Variants in RASSF1 observed in about 807,000 individuals in gnomAD.
The protein encoded by RASSF1 is Ras association domain family member 1, also known as ras association domain-containing protein 1.
RASSF1 carries 33 observed loss-of-function variants against 34.3 expected under a neutral mutation model. The observed-to-expected ratio is 0.96, with a 90% confidence interval of 0.73 to 1.29. The LOEUF (loss-of-function observed/expected upper bound fraction) is 1.29, where lower values mean the gene tolerates loss of function less well. Among genes scored for constraint, RASSF1 ranks in the 50% most tolerant of loss-of-function variants. The probability of loss-of-function intolerance (pLI) is 0.00; values close to 1 mark genes in which losing one functional copy is unlikely to be tolerated. For missense variants in RASSF1, 445 were observed against 471.8 expected (o/e 0.94, Z 0.53); for synonymous variants, 191 against 195.0 (o/e 0.98, Z 0.17).
Position 50,330,909 on chromosome 3 carries a change from C to T in RASSF1, c.877-182G>A, listed in dbSNP as rs1158994321. ...CAGCAGTTTGTATGGAAGATGGGCCCTACAAAACGGTCACCTTACTGAGAC... is the reference window on the plus strand; with the variant it reads ...CAGCAGTTTGTATGGAAGATGGGCCTTACAAAACGGTCACCTTACTGAGAC... On this transcript the variant is annotated intron_variant, in intron 5 of 5. Transcript: ENST00000359365. This position sits in a 1 kb window ranked among gnomAD's most constrained non-coding sequence, Gnocchi z 4.5. Among the ~76,000 whole-genome samples the T allele has an allele frequency of 6.6e-6, 1 of 152,154 alleles. No homozygotes were observed. Among genetic ancestry groups the T allele is most frequent in the Non-Finnish European group, 1.5e-5 (1 of 68,032 alleles).
At chr3:50,337,054 G>C in intron 2 of RASSF1, 1 of 1,299,870 alleles carries the variant, frequency 7.7e-7, no homozygotes, top group South Asian at 1.6e-5. Context: ...GACCCGCGGG[G>C]AGCCACGTAG....
At chr3:50,331,508 G>C (rs587726179) in intron 4 of RASSF1, 51 bp downstream of exon 4, 1 of 1,566,694 alleles carries the variant, frequency 6.4e-7, no homozygotes, top group African/African-American at 1.4e-5. Flanking sequence ...TGCATGCTCA[G>C]GTGCATGCGT....
intron 2 of RASSF1, chr3:50,337,522 T>C: frequency 6.6e-7 from 1 of 1,519,466 alleles, no homozygotes. Context: ...CACGCACGCT[T>C]CGCCCCCAGG....
rs1703223155 is a variant in RASSF1, at chr3:50,337,944, G to A, written c.318C>T (p.Asp106=). ...GCTCCACCGCGGGTTCCCAGCCCAG[G>A]TCCCGGGGCCCGCAACAGTCCAGGC... ...LVCLDCCGPR[D]LGWEPAVERD... Residue 106 remains aspartate (D), a synonymous_variant, in exon 2 of 6, where the codon GAC becomes GAT. Coordinates refer to ENST00000359365, the MANE Select transcript of RASSF1 (RefSeq NM_007182.5). The A allele has an allele frequency of 6.2e-7, 1 of 1,612,040 alleles. No homozygotes were observed. The highest frequency in any genetic ancestry group is 1.3e-5 in the African/African-American group (1 of 74,914).
At chr3:50,337,767 G>T (rs1172953429) in intron 2 of RASSF1, 138 bp downstream of exon 2, 5 of 998,984 alleles carry the variant, frequency 5.0e-6, no homozygotes, top group Non-Finnish European at 7.3e-6. Flanking sequence ...CCCCCGCGCA[G>T]AATTAGCCTC....
At chr3:50,337,264 C>CTG in intron 2 of RASSF1, 1 of 1,613,190 alleles carries the variant, frequency 6.2e-7, no homozygotes, top group Non-Finnish European at 8.5e-7. Context: ...GCAGTAGCCA[C>CTG]TGCTCGTCGT....
Position 50,331,677 on chromosome 3 carries a change from C to G in RASSF1, c.642G>C (p.Leu214=). 6.2e-7 allele frequency: 1 copy of G among 1,613,218 alleles called. No homozygotes were observed. The highest frequency in any genetic ancestry group is 8.5e-7 in the Non-Finnish European group (1 of 1,179,314). The change falls in exon 4 of 6, where the codon CTG becomes CTC. Residue 214 remains leucine (L), a synonymous_variant. Coordinates refer to ENST00000359365, the MANE Select transcript of RASSF1 (RefSeq NM_007182.5). ...GTGCCCTTGTGCGTGACAGCACATGCAGGTGCTTGACAGCATCCTTGGGCA... is the reference window on the plus strand; with the variant it reads ...GTGCCCTTGTGCGTGACAGCACATGGAGGTGCTTGACAGCATCCTTGGGCA... The part of the protein sequence containing the change: ...FYLPKDAVKH[L]HVLSRTRARE...
chr3:50,331,037 G>T (rs1702917323), intron 5 of RASSF1, among the ~76,000 whole-genome samples: 1 of 152,168 alleles, frequency 6.6e-6, no homozygotes, highest in South Asian at 2.1e-4. Flanking sequence ...AAGCTTCCAG[G>T]TAAAAAGTCT....
rs587748043 is a variant in RASSF1 at position 50,336,086 on chromosome 3, G to C, written c.357+1819C>G. On this transcript the variant is annotated intron_variant, in intron 2 of 5. Transcript: ENST00000359365. ...GCTAGCCCTCCTTTTCAATTGGTTA[G>C]TGTCTTGTGGTTTTCCCACCTTTCC... Among the ~76,000 whole-genome samples the C allele has an allele frequency of 3.8e-4, 58 of 152,282 alleles. 1 individual carries two copies. The South Asian group carries it at 0.011, about 29-fold the overall frequency.
chr3:50,340,735 G>C lies in RASSF1; in HGVS notation c.71C>G (p.Thr24Ser), dbSNP rs1319718667. 16 of 1,517,160 alleles carry C rather than the reference G, an allele frequency of 1.1e-5. No homozygotes were observed. The highest frequency in any genetic ancestry group is 1.4e-5 in the Non-Finnish European group (16 of 1,142,202). The allele number at this position is 1,517,160 out of a possible 1,614,324, so 94.0% of individuals were successfully genotyped here. A position where few individuals can be genotyped will look rare whatever the true frequency, so the allele number is the denominator to read the frequency against. Reference protein sequence around the residue: ...APAGRAGKGRTRLERANALRI... With the variant: ...APAGRAGKGRSRLERANALRI... ...CAGCGCGTTGGCACGCTCCAGCCGGGTGCGGCCCTTCCCAGCGCGCCCAGC... is the reference window on the plus strand; with the variant it reads ...CAGCGCGTTGGCACGCTCCAGCCGGCTGCGGCCCTTCCCAGCGCGCCCAGC... The change falls in exon 1 of 6, where the codon ACC (threonine) becomes AGC (serine). Residue 24 changes from threonine to serine, a missense_variant. Transcript: ENST00000359365.
intron 2 of RASSF1, among the ~76,000 whole-genome samples, chr3:50,333,700 G>C (rs1674690788): frequency 1.3e-5 from 2 of 152,116 alleles, no homozygotes; most frequent in African/African-American, 4.8e-5. Context: ...GGTTGGTCTT[G>C]AACTCCTGAC....
intron 2 of RASSF1, among the ~76,000 whole-genome samples, chr3:50,334,003 T>G (rs1307927748): frequency 1.3e-5 from 2 of 152,122 alleles, no homozygotes; most frequent in Non-Finnish European, 2.9e-5. Context: ...GACCAATACT[T>G]TGTCCCAGAA....
chr3:50,338,015 CAG>C lies in RASSF1; in HGVS notation c.251-6_251-5del. On this transcript the variant is annotated splice_region_variant and splice_polypyrimidine_tract_variant and intron_variant, in intron 1 of 5. Transcript: ENST00000359365. ...TAGTGGCAGGTGAACTTGCAATCTG[CAG>C]AGAGGCCTGGCGGTGAGGCGGAGGA... The C allele has an allele frequency of 6.3e-7, 1 of 1,579,554 alleles. No individual in the cohort carries two copies. Among genetic ancestry groups the C allele is most frequent in the Middle Eastern group, 1.7e-4 (1 of 6,016 alleles).
intron 2 of RASSF1, among the ~76,000 whole-genome samples, chr3:50,333,031 T>A (rs587695883): frequency 6.6e-6 from 1 of 151,292 alleles, no homozygotes; most frequent in Admixed American, 6.6e-5. Context: ...GAGGTGGAGG[T>A]TGCAGTGAAC....
chr3:50,337,185 C>A (rs1445586391), intron 2 of RASSF1: 1 of 1,611,034 alleles, frequency 6.2e-7, no homozygotes, highest in African/African-American at 1.3e-5. Flanking sequence ...GGTCCCGGCG[C>A]GGCCTGCGAG....
chr3:50,337,390 G>A, intron 2 of RASSF1: 1 of 1,592,368 alleles, frequency 6.3e-7, no homozygotes. Flanking sequence ...GCGTGCGTGC[G>A]TGTACGCGTG....
At chr3:50,337,320 A>G in intron 2 of RASSF1, 1 of 1,611,986 alleles carries the variant, frequency 6.2e-7, no homozygotes, top group Non-Finnish European at 8.5e-7. Flanking sequence ...CCTCGCCCAT[A>G]GCCGTACCCG....
intron 1 of RASSF1, among the ~76,000 whole-genome samples, chr3:50,339,496 G>A (rs1182562732): frequency 6.7e-6 from 1 of 149,738 alleles, no homozygotes; most frequent in Non-Finnish European, 1.5e-5. Context: ...CTCCCGAGTA[G>A]CTGGGATTAC....
rs1183369007 is a variant in RASSF1 at position 50,331,379 on chromosome 3, C to T, written c.831G>A (p.Lys277=). The T allele has an allele frequency of 1.2e-6, 2 of 1,607,376 alleles. No homozygotes were observed. Among genetic ancestry groups the T allele is most frequent in the South Asian group, 1.1e-5 (1 of 90,568 alleles). ...RLRLLAGPSD[K]ALSFVLKEND... ...TTTCCTTCAGGACAAAGCTCAGGGC[C>T]TTGTCACTGGGCCCTGCCAGGAGCC... Residue 277 remains lysine (K), a synonymous_variant, in exon 5 of 6, where the codon AAG becomes AAA. Transcript: ENST00000359365.
Sources: allele counts gnomAD v4.1 joint callset (sites outside exome capture counted in the v4.1 genomes callset), GRCh38; gene constraint gnomAD v4.1.1; non-coding constraint Gnocchi (gnomAD v3.1); transcripts MANE v1.5; gene names NCBI Gene and HGNC (gene_info 2026-07-23, HGNC 2026-07-21).